The following SOD2 variants were observed in gnomAD, a reference collection of about 807,000 sequenced individuals.
SOD2 encodes superoxide dismutase [Mn], mitochondrial.
SOD2 carries 11 observed loss-of-function variants against 27.0 expected under a neutral mutation model. That is an observed-to-expected ratio of 0.41 (90% CI 0.26 to 0.67). SOD2 has a LOEUF of 0.67. Ranked by LOEUF, SOD2 falls within the 30% of genes least tolerant of loss-of-function variation. SOD2 has a pLI of 0.34. For synonymous variants in SOD2, 105 were observed against 103.0 expected, an observed-to-expected ratio of 1.02 and a Z score of -0.12; for missense variants, 250 against 274.5, an observed-to-expected ratio of 0.91 and a Z score of 0.63.
chr6:159,706,609 T>G (rs1777631907), intron 1 of SOD2, among the ~76,000 whole-genome samples: 2 of 152,020 alleles, frequency 1.3e-5, no homozygotes, highest in Non-Finnish European at 2.9e-5. Flanking sequence ...AGCACCCAGA[T>G]TCATAAACCA....
At chr6:159,743,491 A>C (rs575882097) in intron 1 of SOD2, among the ~76,000 whole-genome samples, 8 of 152,258 alleles carry the variant, frequency 5.3e-5, no homozygotes, top group Non-Finnish European at 1.0e-4. Context: ...CTATGACACC[A>C]TTGTCTCCTA....
At chr6:159,727,852 A>G, upstream of SOD2, 1 of 509,398 alleles carries the variant, frequency 2.0e-6, no homozygotes, top group Non-Finnish European at 2.5e-6. Context: ...GAGCCGCTCT[A>G]CCTTCCCGCC....
At chr6:159,761,179 T>G (rs1388686273) in exon 1 of SOD2, 3 of 165,732 alleles carry the variant, frequency 1.8e-5, no homozygotes, top group African/African-American at 7.2e-5. Context: ...TTCATGACTT[T>G]GTGACAAAGC....
At chr6:159,740,394 C>T (rs1038280240) in intron 1 of SOD2, among the ~76,000 whole-genome samples, 10 of 152,210 alleles carry the variant, frequency 6.6e-5, no homozygotes, top group Non-Finnish European at 1.2e-4. Context: ...GACTTTTAGG[C>T]GAGTTTTTTC....
chr6:159,708,158 TATC>T (rs551477641), intron 1 of SOD2, among the ~76,000 whole-genome samples: 292 of 152,304 alleles, frequency 1.9e-3, no homozygotes, highest in African/African-American at 6.8e-3. Flanking sequence ...CCACACCCAA[TATC>T]ATACTGAATG....
chr6:159,710,627 C>G (rs566170809), intron 1 of SOD2, among the ~76,000 whole-genome samples: 3 of 152,230 alleles, frequency 2.0e-5, no homozygotes, highest in East Asian at 3.9e-4. Context: ...TCTACCTAAC[C>G]AAGCTTTGAC....
intron 1 of SOD2, among the ~76,000 whole-genome samples, chr6:159,759,583 T>C (rs886560360): frequency 1.3e-5 from 2 of 150,746 alleles, no homozygotes; most frequent in African/African-American, 4.9e-5. Context: ...GGCAGAAGAA[T>C]CGCTTGAACC....
rs1470313747 is a variant in SOD2 at position 159,682,434 on chromosome 6, C to CTA, written c.*57_*58dup. On this transcript the variant is annotated 3_prime_UTR_variant, in exon 5 of 5. Transcript: ENST00000538183. Reference sequence around the variant, plus strand: ...GCAGCTTACTGTATTCTGCAGTACTCTATACCACTACAAAAACAGTCATAA... The same window carrying CTA: ...GCAGCTTACTGTATTCTGCAGTACTCTATATACCACTACAAAAACAGTCATAA... The CTA allele has an allele frequency of 2.4e-5, 36 of 1,530,646 alleles. No individual in the cohort carries two copies. The highest frequency in any genetic ancestry group is 2.1e-5 in the Non-Finnish European group (24 of 1,121,362). 94.8% of individuals were successfully genotyped at this position (1,530,646 alleles called of 1,614,324 possible). A position where few individuals can be genotyped will look rare whatever the true frequency, so the allele number is the denominator to read the frequency against.
At chr6:159,750,500 G>A (rs1199073138) in intron 1 of SOD2, among the ~76,000 whole-genome samples, 1 of 152,152 alleles carries the variant, frequency 6.6e-6, no homozygotes, top group Non-Finnish European at 1.5e-5. Flanking sequence ...TTCTCCAAGA[G>A]CAGTAACTGC....
At chr6:159,704,312 C>T (rs77245823) in intron 1 of SOD2, among the ~76,000 whole-genome samples, 6,054 of 152,198 alleles carry the variant, frequency 0.04, 189 homozygotes, top group African/African-American at 0.073. Context: ...GAGTGTGAGC[C>T]GAAGCAGGGC....
chr6:159,753,132 GGT>G (rs1264775847), intron 1 of SOD2, among the ~76,000 whole-genome samples: 2 of 152,172 alleles, frequency 1.3e-5, no homozygotes, highest in African/African-American at 4.8e-5. Context: ...GTATAGCCAA[GGT>G]GTGTGTTAAT....
rs1323526632 is a variant in SOD2 at position 159,702,696 on chromosome 6, G to GA, written c.-115-9834dup. Reference sequence around the variant, plus strand: ...AAAAAAAAAGAAAGAAAGAAAGAAAGAAAAAAAAGCCAGGCATGGTGGTGT... The same window carrying GA: ...AAAAAAAAAGAAAGAAAGAAAGAAAGAAAAAAAAAGCCAGGCATGGTGGTGT... On this transcript the variant is annotated intron_variant, in intron 1 of 2. Coordinates refer to the SOD2 transcript ENST00000401980. 3.9e-3 allele frequency among the ~76,000 whole-genome samples: 433 copies of GA among 109,882 alleles called. 1 individual carries two copies. The highest frequency in any genetic ancestry group is 0.014 in the African/African-American group (417 of 30,554). 72.1% of individuals were successfully genotyped at this position (109,882 alleles called of 152,430 possible).
intron 1 of SOD2, chr6:159,755,775 T>TG: frequency 9.8e-7 from 1 of 1,022,172 alleles, no homozygotes; most frequent in East Asian, 3.3e-5. Context: ...CTTTTTTTTT[T>TG]TTTTTTTTTT....
chr6:159,709,907 C>G (rs2114818509), intron 1 of SOD2, among the ~76,000 whole-genome samples: 1 of 152,094 alleles, frequency 6.6e-6, no homozygotes, highest in African/African-American at 2.4e-5. Context: ...GAAAATGTGG[C>G]ATATATACAC....
upstream of SOD2, among the ~76,000 whole-genome samples, chr6:159,747,438 C>T (rs1302269740): frequency 6.6e-6 from 1 of 152,078 alleles, no homozygotes; most frequent in Non-Finnish European, 1.5e-5. Flanking sequence ...GAGTTACTTT[C>T]CAGCTTTACA....
intron 1 of SOD2, among the ~76,000 whole-genome samples, chr6:159,757,304 T>C (rs765799152): frequency 2.6e-5 from 4 of 152,252 alleles, no homozygotes; most frequent in East Asian, 3.8e-4. Flanking sequence ...GTACAACTTA[T>C]TTGAAAGTAA....
At chr6:159,747,533 A>G (rs899801135), upstream of SOD2, among the ~76,000 whole-genome samples, 4 of 152,202 alleles carry the variant, frequency 2.6e-5, no homozygotes, top group African/African-American at 9.6e-5. Context: ...TTTTGCTTTT[A>G]TAAAGCTGTA....
At chr6:159,739,681 ATAAG>A (rs1392189335) in intron 1 of SOD2, among the ~76,000 whole-genome samples, 11 of 152,350 alleles carry the variant, frequency 7.2e-5, no homozygotes, top group African/African-American at 2.6e-4. Flanking sequence ...TAAAAATAAA[ATAAG>A]TATTTTAACA....
chr6:159,697,034 GACACACACACACAC>G (rs35334577), upstream of SOD2, among the ~76,000 whole-genome samples: 18 of 132,722 alleles, frequency 1.4e-4, no homozygotes, highest in South Asian at 1.1e-3. Flanking sequence ...AGGAGACCCT[GACACACACACACAC>G]ACACACACAC....
Sources: allele counts gnomAD v4.1 joint callset (sites outside exome capture counted in the v4.1 genomes callset), GRCh38; gene constraint gnomAD v4.1.1; transcripts MANE v1.5; gene names NCBI Gene and HGNC (gene_info 2026-07-23, HGNC 2026-07-21).